The following MAGI2 variants were observed in gnomAD, a reference collection of about 807,000 sequenced individuals.
The protein encoded by MAGI2 is membrane-associated guanylate kinase, WW and PDZ domain-containing protein 2.
MAGI2 carries 35 observed loss-of-function variants against 133.3 expected under a neutral mutation model. The observed-to-expected ratio is 0.26, with a 90% CI of 0.20 to 0.35. The LOEUF is 0.35. Ranked by LOEUF, MAGI2 falls within the 10% of genes least tolerant of loss-of-function variation. The pLI is 1.00. For missense variants in MAGI2, 1,636 were observed against 1,863.4 expected (o/e 0.88, Z 2.25); for synonymous variants, 729 against 710.6 (o/e 1.03, Z -0.41).
At chr7:78,544,028 C>T (rs1798618995) in intron 3 of MAGI2, among the ~76,000 whole-genome samples, 2 of 152,174 alleles carry the variant, frequency 1.3e-5, no homozygotes, top group South Asian at 4.1e-4. Context: ...CTATGAGTTT[C>T]AGGAAACAAT....
intron 2 of MAGI2, among the ~76,000 whole-genome samples, chr7:78,913,384 A>T (rs1486397921): frequency 1.3e-5 from 2 of 152,126 alleles, no homozygotes; most frequent in East Asian, 3.9e-4. Context: ...TCCTCCAGCC[A>T]TGCACAGTGC....
chr7:78,134,423 T>G (rs1181037829), intron 17 of MAGI2: 2 of 152,322 alleles, frequency 1.3e-5, no homozygotes, highest in African/African-American at 4.8e-5. Flanking sequence ...TTTGGTGCAG[T>G]GATGTTCACA....
In MAGI2 at chr7:78,133,053, G is replaced by T. The variant is rs773558417; in HGVS notation, c.3039C>A (p.Asn1013Lys). ...CTGAGCTGGGTGCCGAGGTGGGGCT[G>T]TTGAGCTCTGCGATGGAGAACCAAA... is the stretch of plus-strand genomic sequence containing the variant. ...TLRIIPQEELNSPTSAPSSEK... is the reference protein window; with the variant it reads ...TLRIIPQEELKSPTSAPSSEK... The change falls in exon 18 of 22, where the codon AAC becomes AAA. Residue 1013 changes from asparagine to lysine, a missense_variant. This residue lies in a region of MAGI2 where 920 missense variants were observed against 1,093.5 expected (regional missense o/e 0.84). Coordinates refer to ENST00000354212, the MANE Select transcript of MAGI2 (RefSeq NM_012301.4). The T allele has an allele frequency of 3.2e-6, 5 of 1,562,044 alleles. No homozygotes were observed. In the Admixed American group the frequency reaches 8.0e-5, roughly 25 times the overall value.
chr7:78,954,586 A>T (rs910175329), intron 2 of MAGI2, among the ~76,000 whole-genome samples: 1 of 150,826 alleles, frequency 6.6e-6, no homozygotes, highest in Non-Finnish European at 1.5e-5. Context: ...ATGCCCTGGA[A>T]TTGCTTTGTG....
intron 1 of MAGI2, among the ~76,000 whole-genome samples, chr7:79,408,908 C>T (rs117189434): frequency 0.049 from 7,398 of 152,086 alleles, 271 homozygotes; most frequent in Non-Finnish European, 0.076. Flanking sequence ...GAACATTATC[C>T]AGATAAAAAT....
chr7:79,061,020 A>T (rs116935374), intron 1 of MAGI2, among the ~76,000 whole-genome samples: 10 of 152,258 alleles, frequency 6.6e-5, no homozygotes, highest in Non-Finnish European at 1.3e-4. Flanking sequence ...GCACAGTCCT[A>T]TAGCAAATAT....
intron 10 of MAGI2, among the ~76,000 whole-genome samples, chr7:78,247,482 T>G (rs1359808022): frequency 1.3e-5 from 2 of 151,864 alleles, no homozygotes; most frequent in Non-Finnish European, 2.9e-5. Context: ...GAAAAGGAAT[T>G]AAAAATAATG....
intron 2 of MAGI2, among the ~76,000 whole-genome samples, chr7:78,765,654 A>G (rs903036803): frequency 4.6e-5 from 7 of 152,134 alleles, no homozygotes; most frequent in Non-Finnish European, 7.4e-5. Context: ...GCCCTAGTGC[A>G]TATCTTATAT....
intron 10 of MAGI2, among the ~76,000 whole-genome samples, chr7:78,209,221 C>CAAAAAAAAAAAAAAAAA (rs370809243): frequency 1.9e-4 from 2 of 10,626 alleles, no homozygotes; most frequent in Non-Finnish European, 3.3e-4. Context: ...GACTCTGTCT[C>CAAAAAAAAAAAAAAAAA]AAAAAAAAAA....
intron 1 of MAGI2, among the ~76,000 whole-genome samples, chr7:79,445,307 T>G (rs1483205546): frequency 6.6e-6 from 1 of 151,966 alleles, no homozygotes; most frequent in Admixed American, 6.6e-5. Flanking sequence ...AATCCAAAAT[T>G]GACAAATGGG....
intron 3 of MAGI2, among the ~76,000 whole-genome samples, chr7:78,600,645 G>A (rs1406319562): frequency 6.6e-6 from 1 of 152,082 alleles, no homozygotes. Flanking sequence ...CATATAAAAC[G>A]ATAGTACACT....
chr7:78,128,493 A>G (rs937150134), intron 18 of MAGI2, among the ~76,000 whole-genome samples: 3 of 152,220 alleles, frequency 2.0e-5, no homozygotes, highest in Admixed American at 1.3e-4. Flanking sequence ...GAAAATATTT[A>G]GCAGCAAGAA....
Position 79,004,585 on chromosome 7 carries a change from G to A in MAGI2, c.418+2505C>T, listed in dbSNP as rs1182737142. Among the ~76,000 whole-genome samples the A allele has an allele frequency of 3.3e-5, 5 of 152,150 alleles. No individual in the cohort carries two copies. In the East Asian group the frequency reaches 9.6e-4, roughly 29 times the overall value. ...ACAACAGTGTATTGTATATTTCAAA[G>A]TAGCTAAATGAAATAAATAGAATTG... On this transcript the variant is annotated intron_variant, in intron 2 of 21. Transcript: ENST00000354212.
intron 1 of MAGI2, among the ~76,000 whole-genome samples, chr7:79,069,182 C>T (rs35830706): frequency 0.77 from 116,509 of 151,934 alleles, 45,867 homozygotes; most frequent in Non-Finnish European, 0.86. Context: ...TTGACCTGTC[C>T]AGTGTGGACA....
At chr7:79,066,208 C>A (rs1057168371) in intron 1 of MAGI2, among the ~76,000 whole-genome samples, 2 of 152,052 alleles carry the variant, frequency 1.3e-5, no homozygotes, top group African/African-American at 4.8e-5. Flanking sequence ...TTCTCCACAT[C>A]CTCTCCAGCA....
chr7:78,208,135 CTTT>C (rs71085515), intron 10 of MAGI2, among the ~76,000 whole-genome samples: 34,168 of 115,500 alleles, frequency 0.3, 4,645 homozygotes, highest in Middle Eastern at 0.38. Context: ...CCCAAAGTGG[CTTT>C]TTTTTTTTTT....
intron 2 of MAGI2, among the ~76,000 whole-genome samples, chr7:78,973,409 A>G (rs942034584): frequency 1.3e-5 from 2 of 151,806 alleles, no homozygotes; most frequent in Admixed American, 1.3e-4. Context: ...TTACAGTGTC[A>G]TTAGTTAGAT....
At chr7:79,448,026 C>A (rs1010138479) in intron 1 of MAGI2, among the ~76,000 whole-genome samples, 1 of 151,644 alleles carries the variant, frequency 6.6e-6, no homozygotes, top group Non-Finnish European at 1.5e-5. Context: ...TTAATAAATT[C>A]TAATAGGATT....
chr7:78,906,283 T>G (rs1797987511), intron 2 of MAGI2, among the ~76,000 whole-genome samples: 1 of 152,236 alleles, frequency 6.6e-6, no homozygotes, highest in Non-Finnish European at 1.5e-5. Flanking sequence ...AAAGTTCTCC[T>G]TTGGTACCTG....
Sources: gnomAD v4.1 joint callset for allele counts (sites outside exome capture counted in the v4.1 genomes callset) on GRCh38, gnomAD v4.1.1 for gene constraint, gnomAD v4.1.1 regional missense constraint, MANE v1.5 for transcripts, NCBI Gene and HGNC (gene_info 2026-07-23, HGNC 2026-07-21) for gene names.